NCAM1: variants seen among roughly 807,000 people sequenced by gnomAD.
NCAM1 encodes neural cell adhesion molecule 1, also known as antigen recognized by monoclonal antibody 5.1H11.
A neutral mutation model predicts 109.8 loss-of-function variants in NCAM1; 14 were observed. The observed-to-expected ratio is 0.13, with a 90% CI of 0.08 to 0.20. The LOEUF is 0.20. Ranked by LOEUF, NCAM1 falls within the 10% of genes least tolerant of loss-of-function variation. The pLI is 1.00. For synonymous variants in NCAM1, 418 were observed against 442.9 expected (o/e 0.94, Z 0.70); for missense variants, 774 against 1,109.9 (o/e 0.70, Z 4.30).
chr11:113,246,212 C>T, intron 14 of NCAM1, 156 bp from the exon 15 acceptor site: 1 of 539,274 alleles, frequency 1.9e-6, no homozygotes. Context: ...GTTGATTTTT[C>T]TCCCTGCCCA....
At chr11:113,068,618 C>T (rs1288348751) in intron 1 of NCAM1, among the ~76,000 whole-genome samples, 3 of 152,166 alleles carry the variant, frequency 2.0e-5, no homozygotes, top group South Asian at 2.1e-4. Context: ...ATTAATTCCA[C>T]GGTCTAATCC....
intron 1 of NCAM1, among the ~76,000 whole-genome samples, chr11:113,044,255 T>C (rs1233806196): frequency 6.6e-6 from 1 of 152,090 alleles, no homozygotes; most frequent in Non-Finnish European, 1.5e-5. Context: ...CCAGGATGGA[T>C]CTAGTAACCT....
Position 113,205,592 on chromosome 11 carries a change from G to A in NCAM1, c.416G>A (p.Cys139Tyr). The A allele has an allele frequency of 6.2e-7, 1 of 1,613,920 alleles. No individual in the cohort carries two copies. The highest frequency in any genetic ancestry group is 1.7e-5 in the Admixed American group (1 of 60,022). ...FREGEDAVIV[C>Y]DVVSSLPPTI... ...GAGGGGGAAGATGCCGTGATTGTGT[G>A]TGATGTGGTCAGCTCCCTCCCACCA... The change falls in exon 4 of 20, where the codon TGT becomes TAT. Residue 139 changes from cysteine to tyrosine, a missense_variant. Transcript: ENST00000316851.
intron 1 of NCAM1, among the ~76,000 whole-genome samples, chr11:113,149,705 G>GTTACC (rs1942156856): frequency 6.6e-6 from 1 of 152,030 alleles, no homozygotes; most frequent in South Asian, 2.1e-4. Flanking sequence ...TACTTATACT[G>GTTACC]TTACCATATT....
At chr11:113,058,668 C>T (rs1555082985) in intron 1 of NCAM1, among the ~76,000 whole-genome samples, 2 of 152,188 alleles carry the variant, frequency 1.3e-5, no homozygotes, top group African/African-American at 4.8e-5. Context: ...TGCAGAACTG[C>T]TTCTTCTTGA....
intron 1 of NCAM1, among the ~76,000 whole-genome samples, chr11:112,981,000 G>A (rs1555068647): frequency 1.3e-5 from 2 of 151,756 alleles, no homozygotes; most frequent in African/African-American, 4.8e-5. Context: ...TTCCATTTAT[G>A]TATTTTGACT....
At chr11:113,049,131 T>G (rs1324291676) in intron 1 of NCAM1, among the ~76,000 whole-genome samples, 1 of 152,162 alleles carries the variant, frequency 6.6e-6, no homozygotes, top group Non-Finnish European at 1.5e-5. Context: ...TTTGGAGTGA[T>G]GCAAATGTCT....
intron 1 of NCAM1, among the ~76,000 whole-genome samples, chr11:113,161,966 C>T (rs188728300): frequency 1.3e-5 from 2 of 152,116 alleles, no homozygotes. Flanking sequence ...CTGCAAACAA[C>T]GTGAAATCTT....
intron 1 of NCAM1, among the ~76,000 whole-genome samples, chr11:113,144,737 T>A (rs1941950920): frequency 6.6e-6 from 1 of 152,224 alleles, no homozygotes; most frequent in African/African-American, 2.4e-5. Flanking sequence ...TTTAAAGCTA[T>A]GATTTCTGCA....
chr11:113,058,950 T>C (rs1304997113), intron 1 of NCAM1, among the ~76,000 whole-genome samples: 1 of 152,220 alleles, frequency 6.6e-6, no homozygotes, highest in African/African-American at 2.4e-5. Context: ...ATATCTGTTA[T>C]TGGCTATTTT....
Position 113,233,816 on chromosome 11 carries a change from CT to C in NCAM1, c.1693+500del, listed in dbSNP as rs1555117764. ...ATCAGTCCTGTGCTAGCTTTCCAAG[CT>C]AAAGATTAAAAGACTGACCCTTGGA... On this transcript the variant is annotated intron_variant, in intron 13 of 19. Coordinates refer to ENST00000316851, the MANE Select transcript of NCAM1 (RefSeq NM_181351.5). This position sits in a 1 kb window ranked among gnomAD's most constrained non-coding sequence, Gnocchi z 4.5. Among the ~76,000 whole-genome samples, 1 of 152,212 alleles carries C rather than the reference CT, an allele frequency of 6.6e-6. No individual in the cohort carries two copies. Among genetic ancestry groups the C allele is most frequent in the Non-Finnish European group, 1.5e-5 (1 of 68,040 alleles).
intron 1 of NCAM1, chr11:112,977,537 T>A (rs1239264415): frequency 6.6e-6 from 1 of 151,826 alleles, no homozygotes; most frequent in Non-Finnish European, 1.5e-5. Flanking sequence ...AATAGAAAAG[T>A]ATAGATTGAG....
At chr11:113,085,341 T>G (rs942810855) in intron 1 of NCAM1, among the ~76,000 whole-genome samples, 1 of 152,198 alleles carries the variant, frequency 6.6e-6, no homozygotes, top group Non-Finnish European at 1.5e-5. Flanking sequence ...ATTATGAGCC[T>G]TGCTCAGATG....
At chr11:113,068,323 G>T (rs990529546) in intron 1 of NCAM1, among the ~76,000 whole-genome samples, 2 of 152,182 alleles carry the variant, frequency 1.3e-5, no homozygotes, top group African/African-American at 4.8e-5. Flanking sequence ...GAGCCTTAGG[G>T]AAGCCCTGTG....
At chr11:113,178,315 G>A (rs534206759) in intron 1 of NCAM1, among the ~76,000 whole-genome samples, 2 of 152,256 alleles carry the variant, frequency 1.3e-5, no homozygotes, top group African/African-American at 4.8e-5. Context: ...ACACTCTCAC[G>A]TTACACCACA....
intron 15 of NCAM1, among the ~76,000 whole-genome samples, 168 bp from the exon 16 acceptor site, chr11:113,255,709 G>A (rs185205642): frequency 8.3e-4 from 126 of 151,374 alleles, no homozygotes; most frequent in African/African-American, 3.0e-3. Flanking sequence ...GGCTCAGTCT[G>A]AGGCATCTAC....
rs1943305353 is a variant in NCAM1 at position 113,180,771 on chromosome 11, CT to C, written c.53-21607del. ...GGACTTTGGAGCAGAATAAATCCAGCTCCCCAGCTGCTAGCTGTGTAATATT... is the reference window on the plus strand; with the variant it reads ...GGACTTTGGAGCAGAATAAATCCAGCCCCCAGCTGCTAGCTGTGTAATATT... On this transcript the variant is annotated intron_variant, in intron 1 of 19. Coordinates refer to ENST00000316851, the MANE Select transcript of NCAM1 (RefSeq NM_181351.5). 4.6e-5 allele frequency among the ~76,000 whole-genome samples: 7 copies of C among 152,356 alleles called. No homozygotes were observed. The South Asian group carries it at 1.5e-3, about 32-fold the overall frequency.
intron 1 of NCAM1, among the ~76,000 whole-genome samples, chr11:113,012,747 G>T (rs1952102235): frequency 6.6e-6 from 1 of 152,124 alleles, no homozygotes; most frequent in Non-Finnish European, 1.5e-5. Context: ...ATTGAGTTTA[G>T]TCCCCAAGCA....
intron 1 of NCAM1, chr11:113,133,645 G>C (rs1941492400): frequency 1.3e-5 from 2 of 152,022 alleles, no homozygotes; most frequent in Non-Finnish European, 2.9e-5. Context: ...ATAAGACTCA[G>C]GTTTATGTGT....
Sources: gnomAD v4.1 joint callset for allele counts (sites outside exome capture counted in the v4.1 genomes callset) on GRCh38, gnomAD v4.1.1 for gene constraint, Gnocchi (gnomAD v3.1) non-coding constraint, MANE v1.5 for transcripts, NCBI Gene and HGNC (gene_info 2026-07-23, HGNC 2026-07-21) for gene names.